The following LIN7A variants were observed in gnomAD, a reference collection of about 807,000 sequenced individuals.
LIN7A encodes protein lin-7 homolog A.
Under a neutral mutation model 29.8 loss-of-function variants are expected in LIN7A, and 25 were observed. That is an observed-to-expected ratio of 0.84 (90% CI 0.61 to 1.17). The LOEUF (loss-of-function observed/expected upper bound fraction) is 1.17, where lower values mean the gene tolerates loss of function less well. Among genes scored for constraint, LIN7A ranks in the 50% most tolerant of loss-of-function variants. LIN7A has a pLI of 0.00. For synonymous variants in LIN7A, 118 were observed against 107.5 expected (o/e 1.10, Z -0.60); for missense variants, 239 against 287.0 (o/e 0.83, Z 1.21).
At chr12:80,828,940 T>TA (rs1202452070) in intron 4 of LIN7A, among the ~76,000 whole-genome samples, 1 of 152,074 alleles carries the variant, frequency 6.6e-6, no homozygotes, top group Non-Finnish European at 1.5e-5. Context: ...AGGGACTCTT[T>TA]AAAAAATCTG....
chr12:80,810,974 G>A (rs577563141), intron 5 of LIN7A, among the ~76,000 whole-genome samples: 1 of 152,184 alleles, frequency 6.6e-6, no homozygotes, highest in East Asian at 1.9e-4. Context: ...TCTTTTCAGT[G>A]GGGCACTTTT....
Position 80,867,004 on chromosome 12 carries a change from C to T in LIN7A, c.202-18682G>A, listed in dbSNP as rs145648982. 4.2e-3 allele frequency among the ~76,000 whole-genome samples: 635 copies of T among 152,144 alleles called. 4 individuals carry two copies. The highest frequency in any genetic ancestry group is 0.015 in the African/African-American group (602 of 41,512). ...AGAGACAGAATCTTGTTTTGTCACC[C>T]AGGCAGTGATGCTGTCATAGCTCAC... On this transcript the variant is annotated intron_variant, in intron 2 of 5. Transcript: ENST00000552864.
At chr12:80,906,914 G>A (rs1256808848) in intron 1 of LIN7A, among the ~76,000 whole-genome samples, 1 of 152,120 alleles carries the variant, frequency 6.6e-6, no homozygotes, top group Non-Finnish European at 1.5e-5. Context: ...ATAATTAGGA[G>A]GGTGTCTCAA....
At chr12:80,935,349 T>G (rs969181440) in intron 1 of LIN7A, among the ~76,000 whole-genome samples, 2 of 152,160 alleles carry the variant, frequency 1.3e-5, no homozygotes, top group Admixed American at 1.3e-4. Context: ...AATCTCCCAG[T>G]AGGTGACCAA....
chr12:80,903,711 T>A lies in LIN7A; in HGVS notation c.83-14342A>T, dbSNP rs545549137. 5.9e-5 allele frequency among the ~76,000 whole-genome samples: 9 copies of A among 152,156 alleles called. No individual in the cohort carries two copies. In the South Asian group the frequency reaches 1.9e-3, roughly 32 times the overall value. On this transcript the variant is annotated intron_variant, in intron 1 of 5. Coordinates refer to ENST00000552864, the MANE Select transcript of LIN7A (RefSeq NM_004664.4). ...TTTTGTAGATAACCAGTAGTGGGAT[T>A]GCTGGATCAAATAGTAGTAGAGTTC...
intron 4 of LIN7A, among the ~76,000 whole-genome samples, chr12:80,844,339 A>G (rs1872959523): frequency 1.3e-5 from 2 of 152,230 alleles, no homozygotes; most frequent in Admixed American, 1.3e-4. Context: ...GAGAATTTTG[A>G]TATACATTAG....
intron 2 of LIN7A, among the ~76,000 whole-genome samples, chr12:80,854,717 C>A (rs1665054108): frequency 6.6e-6 from 1 of 151,650 alleles, no homozygotes; most frequent in Non-Finnish European, 1.5e-5. Flanking sequence ...GCTCTTAGAA[C>A]AACACACTAA....
chr12:80,893,860 A>G (rs1875750326), intron 1 of LIN7A, among the ~76,000 whole-genome samples: 1 of 152,192 alleles, frequency 6.6e-6, no homozygotes, highest in Admixed American at 6.5e-5. Flanking sequence ...GTACCCCTCC[A>G]AGGAAGTCTT....
At chr12:80,849,476 T>C (rs1873226542) in intron 2 of LIN7A, among the ~76,000 whole-genome samples, 2 of 152,158 alleles carry the variant, frequency 1.3e-5, no homozygotes, top group Admixed American at 6.6e-5. Context: ...TATCTCTTGC[T>C]GCAAGCATTG....
intron 2 of LIN7A, among the ~76,000 whole-genome samples, chr12:80,869,748 G>GTT (rs59507364): frequency 1.4e-5 from 2 of 146,532 alleles, no homozygotes; most frequent in Non-Finnish European, 3.0e-5. Flanking sequence ...TACGCCAATG[G>GTT]TTTTTTTTTT....
At chr12:80,856,256 A>G (rs1345824537) in intron 2 of LIN7A, among the ~76,000 whole-genome samples, 1 of 152,200 alleles carries the variant, frequency 6.6e-6, no homozygotes, top group African/African-American at 2.4e-5. Flanking sequence ...GCAGCCATCA[A>G]CTTCGATGAA....
chr12:80,933,966 G>A (rs1357499063), intron 1 of LIN7A, among the ~76,000 whole-genome samples: 1 of 152,006 alleles, frequency 6.6e-6, no homozygotes, highest in African/African-American at 2.4e-5. Context: ...ATTAGCACTG[G>A]CACAGTGTAT....
At chr12:80,917,117 A>T (rs1877065418) in intron 1 of LIN7A, among the ~76,000 whole-genome samples, 1 of 152,182 alleles carries the variant, frequency 6.6e-6, no homozygotes, top group Admixed American at 6.5e-5. Context: ...TTGGGTAGAG[A>T]CTGAATGAAG....
intron 2 of LIN7A, among the ~76,000 whole-genome samples, chr12:80,872,548 G>A (rs1403791133): frequency 6.6e-6 from 1 of 152,120 alleles, no homozygotes; most frequent in Non-Finnish European, 1.5e-5. Context: ...GTTCTGTTGA[G>A]CTATTATAGT....
At chr12:80,841,742 C>T (rs867146943) in intron 4 of LIN7A, 6 of 219,036 alleles carry the variant, frequency 2.7e-5, no homozygotes, top group South Asian at 3.0e-4. Flanking sequence ...AATATATTTA[C>T]GGTTGCCGCT....
At chr12:80,869,806 A>G (rs1021737480) in intron 2 of LIN7A, among the ~76,000 whole-genome samples, 1 of 151,516 alleles carries the variant, frequency 6.6e-6, no homozygotes, top group South Asian at 2.1e-4. Flanking sequence ...AGAAGGCAAC[A>G]CTTGAATGCT....
chr12:80,852,039 T>C (rs1164333831), intron 2 of LIN7A, among the ~76,000 whole-genome samples: 2 of 152,190 alleles, frequency 1.3e-5, no homozygotes, highest in Admixed American at 1.3e-4. Context: ...TTCTAGTCAA[T>C]GTATTAGGCA....
chr12:80,805,726 TC>T (rs1008491043), intron 5 of LIN7A, among the ~76,000 whole-genome samples: 2 of 152,010 alleles, frequency 1.3e-5, no homozygotes, highest in African/African-American at 2.4e-5. Flanking sequence ...CCCACCCAAA[TC>T]TCAACTTGAG....
intron 2 of LIN7A, among the ~76,000 whole-genome samples, chr12:80,875,273 A>C (rs1293347212): frequency 1.3e-5 from 2 of 152,178 alleles, no homozygotes; most frequent in African/African-American, 2.4e-5. Flanking sequence ...TTTTTAATAA[A>C]AATATTTGCA....
Sources: allele counts gnomAD v4.1 joint callset (sites outside exome capture counted in the v4.1 genomes callset), GRCh38; gene constraint gnomAD v4.1.1; transcripts MANE v1.5; gene names NCBI Gene and HGNC (gene_info 2026-07-23, HGNC 2026-07-21).